Variants in SGCD observed in about 807,000 individuals in gnomAD.
SGCD encodes sarcoglycan delta.
A neutral mutation model predicts 36.6 loss-of-function variants in SGCD; 18 were observed. That is an observed-to-expected ratio of 0.49 (90% confidence interval 0.34 to 0.73). The LOEUF is 0.73. Among genes scored for constraint, SGCD ranks in the 30% least tolerant of loss-of-function variants. SGCD has a pLI of 0.01. For synonymous variants in SGCD, 133 were observed against 130.6 expected, an observed-to-expected ratio of 1.02 and a Z score of -0.12; for missense variants, 387 against 346.7, an observed-to-expected ratio of 1.12 and a Z score of -0.92.
chr5:156,289,311 T>C (rs1054437250), intron 3 of SGCD, among the ~76,000 whole-genome samples: 1 of 152,150 alleles, frequency 6.6e-6, no homozygotes, highest in Non-Finnish European at 1.5e-5. Context: ...TTATTTTTAT[T>C]TTATTTTAAG....
intron 6 of SGCD, among the ~76,000 whole-genome samples, chr5:156,645,720 T>C (rs434847): frequency 0.92 from 139,418 of 152,132 alleles, 64,041 homozygotes; most frequent in East Asian, 0.99. Flanking sequence ...AGGAAAAATT[T>C]CCTGACTTCC....
intron 3 of SGCD, among the ~76,000 whole-genome samples, chr5:156,501,359 C>A (rs1756443473): frequency 6.6e-6 from 1 of 152,132 alleles, no homozygotes; most frequent in Non-Finnish European, 1.5e-5. Flanking sequence ...AGCCCAAGAA[C>A]CTGTCTGAAA....
intron 7 of SGCD, among the ~76,000 whole-genome samples, chr5:156,754,298 T>G (rs3857411): frequency 0.083 from 12,609 of 152,256 alleles, 849 homozygotes; most frequent in African/African-American, 0.18. Flanking sequence ...AGCTTTCTTT[T>G]TCACCAAACT....
At chr5:156,018,150 T>A (rs1759025206) in intron 1 of SGCD, among the ~76,000 whole-genome samples, 1 of 152,210 alleles carries the variant, frequency 6.6e-6, no homozygotes, top group African/African-American at 2.4e-5. Context: ...GGTGAGACCC[T>A]GTCTTAGTAA....
intron 3 of SGCD, among the ~76,000 whole-genome samples, chr5:156,136,788 C>A (rs1328813002): frequency 6.6e-6 from 1 of 152,084 alleles, no homozygotes; most frequent in Non-Finnish European, 1.5e-5. Flanking sequence ...TGAACTCAAG[C>A]AAAAGTTACT....
chr5:156,211,796 G>A (rs906146707), intron 3 of SGCD, among the ~76,000 whole-genome samples: 1 of 151,786 alleles, frequency 6.6e-6, no homozygotes, highest in Non-Finnish European at 1.5e-5. Flanking sequence ...TATTTAAAAA[G>A]CAATAGCTAT....
At chr5:156,415,330 A>AT (rs150767725) in intron 3 of SGCD, among the ~76,000 whole-genome samples, 2,070 of 152,262 alleles carry the variant, frequency 0.014, 21 homozygotes, top group Non-Finnish European at 0.023. Flanking sequence ...TGTACTCTTC[A>AT]TTTTTTTCCC....
At chr5:156,327,563 C>T (rs1580824523) in intron 1 of SGCD, among the ~76,000 whole-genome samples, 1 of 152,172 alleles carries the variant, frequency 6.6e-6, no homozygotes, top group South Asian at 2.1e-4. Flanking sequence ...GTGGAAGGGC[C>T]GTTCACTGGC....
intron 3 of SGCD, among the ~76,000 whole-genome samples, chr5:156,211,792 A>G (rs1386230784): frequency 6.6e-6 from 1 of 152,148 alleles, no homozygotes; most frequent in East Asian, 1.9e-4. Context: ...AAATTATTTA[A>G]AAAGCAATAG....
chr5:156,703,357 G>A (rs1350262796), intron 7 of SGCD, among the ~76,000 whole-genome samples: 4 of 151,306 alleles, frequency 2.6e-5, no homozygotes, highest in Non-Finnish European at 1.5e-5. Flanking sequence ...CTCAGAGTTT[G>A]CCCATACTTT....
chr5:155,777,794 T>G, the SGCD span, among the ~76,000 whole-genome samples: 1,449 of 152,266 alleles, frequency 9.5e-3, 20 homozygotes, highest in African/African-American at 0.033. Flanking sequence ...TTCTGAGTTT[T>G]TTTTTGTGTT....
chr5:156,462,336 T>C (rs550479817), intron 3 of SGCD, among the ~76,000 whole-genome samples: 38 of 152,324 alleles, frequency 2.5e-4, no homozygotes, highest in African/African-American at 8.2e-4. Context: ...ACCTTATGAC[T>C]TCTGACACCT....
intron 1 of SGCD, among the ~76,000 whole-genome samples, chr5:156,095,817 C>T (rs994880231): frequency 6.6e-6 from 1 of 152,192 alleles, no homozygotes; most frequent in Non-Finnish European, 1.5e-5. Flanking sequence ...CCACAAGTAG[C>T]TGAGTCCTAA....
chr5:156,174,489 T>C (rs1433532304), intron 3 of SGCD, among the ~76,000 whole-genome samples: 1 of 152,222 alleles, frequency 6.6e-6, no homozygotes, highest in Non-Finnish European at 1.5e-5. Flanking sequence ...GGGCCACCTG[T>C]GCTGCGCTGT....
At position 156,440,591 on chromosome 5, in the gene SGCD, G is replaced by C. The variant is rs549809387; in HGVS notation, c.193-68010G>C. ...GGCATCTCCACCAGCAATATAAAAGGGTTCTAGTTTTTTCACATCCTGGCC... is the reference window on the plus strand; with the variant it reads ...GGCATCTCCACCAGCAATATAAAAGCGTTCTAGTTTTTTCACATCCTGGCC... On this transcript the variant is annotated intron_variant, in intron 3 of 8. Transcript: ENST00000337851. 8.5e-5 allele frequency among the ~76,000 whole-genome samples: 13 copies of C among 152,050 alleles called. No homozygotes were observed. In the East Asian group the frequency reaches 1.4e-3, roughly 16 times the overall value.
chr5:156,647,606 C>T (rs1763279453), intron 7 of SGCD, 70 bp downstream of exon 7: 1 of 976,626 alleles, frequency 1.0e-6, no homozygotes, highest in Non-Finnish European at 1.6e-6. Flanking sequence ...GCCAGTGATT[C>T]ATTCTGAATA....
chr5:156,074,263 A>G (rs1760695603), intron 1 of SGCD, among the ~76,000 whole-genome samples: 1 of 152,204 alleles, frequency 6.6e-6, no homozygotes, highest in African/African-American at 2.4e-5. Context: ...GAAAGACTGA[A>G]TATAGGGAAC....
At chr5:156,048,308 C>G (rs1294606044) in intron 1 of SGCD, among the ~76,000 whole-genome samples, 3 of 152,140 alleles carry the variant, frequency 2.0e-5, no homozygotes, top group Non-Finnish European at 4.4e-5. Context: ...TTTATAGCAG[C>G]ATGATTTATA....
chr5:155,909,992 A>G (rs890392022), intron 1 of SGCD, among the ~76,000 whole-genome samples: 1 of 152,108 alleles, frequency 6.6e-6, no homozygotes, highest in African/African-American at 2.4e-5. Context: ...TGGAAGGCTG[A>G]TGATATCTTG....
Sources: gnomAD v4.1 joint callset for allele counts (sites outside exome capture counted in the v4.1 genomes callset) on GRCh38, gnomAD v4.1.1 for gene constraint, MANE v1.5 for transcripts, NCBI Gene and HGNC (gene_info 2026-07-23, HGNC 2026-07-21) for gene names.